The following LASP1NB variants were observed in gnomAD, a reference collection of about 807,000 sequenced individuals.
The protein encoded by LASP1NB is LASP1 neighbor.
At chr17:38,925,841 T>G in the LASP1NB span, 2 of 398,056 alleles carry the variant, frequency 5.0e-6, no homozygotes, top group African/African-American at 2.1e-5. Context: ...AATGGCCGAG[T>G]GCCCTGCTTG....
At chr17:38,928,536 T>G in the LASP1NB span, 4 of 152,266 alleles carry the variant, frequency 2.6e-5, no homozygotes, top group East Asian at 1.9e-4. Context: ...CAGATTTTGA[T>G]GAGAAAATGG....
chr17:38,926,319 A>T, the LASP1NB span: 1 of 152,064 alleles, frequency 6.6e-6, no homozygotes, highest in Non-Finnish European at 1.5e-5. Flanking sequence ...GTTTTCGGGG[A>T]GATGTCCAAC....
the LASP1NB span, chr17:38,926,710 T>C: frequency 5.9e-5 from 9 of 152,348 alleles, no homozygotes; most frequent in East Asian, 1.7e-3. Context: ...TTAAATTCAT[T>C]TTAAGTTTCC....
chr17:38,925,626 T>C, the LASP1NB span: 1 of 398,316 alleles, frequency 2.5e-6, no homozygotes, highest in Middle Eastern at 6.3e-4. Flanking sequence ...CTCCACCGAC[T>C]GCAACCTCCG....
the LASP1NB span, chr17:38,925,651 G>A: frequency 1.8e-5 from 7 of 398,544 alleles, no homozygotes; most frequent in East Asian, 3.6e-5. Flanking sequence ...CACAGCTCAC[G>A]GTTCACCAGA....
chr17:38,925,861 C>G, the LASP1NB span: 199 of 396,634 alleles, frequency 5.0e-4, 1 homozygote, highest in Admixed American at 1.8e-4. Flanking sequence ...GCTGACGCAC[C>G]GGTGGATTTT....
At chr17:38,928,074 T>C in the LASP1NB span, 1 of 152,048 alleles carries the variant, frequency 6.6e-6, no homozygotes, top group African/African-American at 2.4e-5. Context: ...ATAAAAATTA[T>C]GGACAAGAAA....
chr17:38,928,166 C>T, the LASP1NB span: 1 of 152,120 alleles, frequency 6.6e-6, no homozygotes, highest in East Asian at 1.9e-4. Context: ...TAGGGCTAGG[C>T]CAGGTGCTAT....
At chr17:38,928,233 G>C in the LASP1NB span, 4 of 152,128 alleles carry the variant, frequency 2.6e-5, no homozygotes, top group Admixed American at 6.6e-5. Context: ...ATAGCTTGAG[G>C]CCAAGAATTC....
chr17:38,928,788 C>G, the LASP1NB span: 1 of 152,116 alleles, frequency 6.6e-6, no homozygotes, highest in African/African-American at 2.4e-5. Flanking sequence ...CTTAGTGTTT[C>G]GAACTATAAT....
At chr17:38,926,083 T>G in the LASP1NB span, among the ~76,000 whole-genome samples, 3 of 152,078 alleles carry the variant, frequency 2.0e-5, no homozygotes, top group Admixed American at 6.6e-5. Context: ...TTGGGAATGA[T>G]GGATGTGGTG....
the LASP1NB span, chr17:38,926,643 G>A: frequency 1.3e-5 from 2 of 152,160 alleles, no homozygotes; most frequent in African/African-American, 4.8e-5. Context: ...TTGAAATGGA[G>A]ACTTATTAAA....
the LASP1NB span, among the ~76,000 whole-genome samples, chr17:38,926,056 T>A: frequency 1.3e-5 from 2 of 151,954 alleles, no homozygotes; most frequent in African/African-American, 4.9e-5. Flanking sequence ...ATGTAAACGA[T>A]TTTTAGGCAG....
chr17:38,927,030 T>C, the LASP1NB span: 1 of 152,128 alleles, frequency 6.6e-6, no homozygotes, highest in South Asian at 2.1e-4. Context: ...TGCACCTGAT[T>C]GAATTATAAA....
the LASP1NB span, chr17:38,925,782 C>G: frequency 2.5e-6 from 1 of 398,482 alleles, no homozygotes; most frequent in Non-Finnish European, 4.4e-6. Context: ...TGGCCTGGAG[C>G]TGCGGCCGGA....
chr17:38,925,846 T>C, the LASP1NB span: 321 of 398,198 alleles, frequency 8.1e-4, no homozygotes, highest in African/African-American at 6.1e-3. Context: ...CCGAGTGCCC[T>C]GCTTGCTGAC....
At chr17:38,925,849 T>C in the LASP1NB span, 1 of 398,202 alleles carries the variant, frequency 2.5e-6, no homozygotes, top group South Asian at 1.3e-4. Context: ...AGTGCCCTGC[T>C]TGCTGACGCA....
the LASP1NB span, chr17:38,927,744 T>G: frequency 5.3e-5 from 8 of 152,196 alleles, no homozygotes; most frequent in African/African-American, 1.9e-4. Flanking sequence ...AAAGTTGTGT[T>G]TAAAAATTAT....
At chr17:38,928,247 A>C in the LASP1NB span, 1 of 152,112 alleles carries the variant, frequency 6.6e-6, no homozygotes, top group Non-Finnish European at 1.5e-5. Context: ...AGAATTCCAG[A>C]CCAGCCCAGG....
Sources: allele counts gnomAD v4.1 joint callset (sites outside exome capture counted in the v4.1 genomes callset), GRCh38; gene constraint gnomAD v4.1.1; transcripts MANE v1.5; gene names NCBI Gene and HGNC (gene_info 2026-07-23, HGNC 2026-07-21).